WASHC2A: variants seen among roughly 807,000 people sequenced by gnomAD.
WASHC2A encodes the protein WASH complex subunit FAM21A.
A neutral mutation model predicts 140.3 loss-of-function variants in WASHC2A; 82 were observed. That is an observed-to-expected ratio of 0.58 (90% confidence interval 0.49 to 0.70). WASHC2A has a LOEUF of 0.70. WASHC2A is among the 30% of genes least tolerant of loss of function. The pLI is 0.00. For missense variants in WASHC2A, 985 were observed against 1,521.8 expected, an observed-to-expected ratio of 0.65 and a Z score of 5.87; for synonymous variants, 340 against 560.8, an observed-to-expected ratio of 0.61 and a Z score of 5.56.
intron 6 of WASHC2A, among the ~76,000 whole-genome samples, chr10:50,084,650 C>T (rs1170981527): frequency 3.3e-5 from 5 of 151,242 alleles, no homozygotes; most frequent in South Asian, 2.1e-4. Context: ...AGGCTGGTCT[C>T]GAATTCCTGA....
intron 11 of WASHC2A, among the ~76,000 whole-genome samples, chr10:50,092,601 G>A (rs1385077871): frequency 1.3e-5 from 2 of 152,062 alleles, no homozygotes; most frequent in African/African-American, 2.4e-5. Context: ...AGATTGCAGT[G>A]AGCCTTGATC....
chr10:50,079,327 C>T (rs1219751316), intron 4 of WASHC2A, among the ~76,000 whole-genome samples: 3 of 152,142 alleles, frequency 2.0e-5, no homozygotes, highest in Admixed American at 2.0e-4. Flanking sequence ...AAAGGGTATT[C>T]GAAACCAGCT....
chr10:50,095,070 C>T (rs1462022948), intron 13 of WASHC2A, 78 bp from the exon 14 acceptor site: 537,908 of 1,564,332 alleles, frequency 0.34, 92,551 homozygotes, highest in Middle Eastern at 0.41. Flanking sequence ...TGTTTTACAT[C>T]GCACGTATTT....
chr10:50,106,227 T>C, intron 18 of WASHC2A, 107 bp from the exon 19 acceptor site: 1 of 1,333,372 alleles, frequency 7.5e-7, no homozygotes, highest in Middle Eastern at 2.7e-4. Flanking sequence ...AGAGTTGTTA[T>C]TTGTATACCT....
intron 16 of WASHC2A, among the ~76,000 whole-genome samples, 173 bp downstream of exon 16, chr10:50,097,975 A>G (rs1212050119): frequency 6.6e-6 from 1 of 151,732 alleles, no homozygotes. Flanking sequence ...CAGATTGATC[A>G]GTTCTTAGGG....
chr10:50,129,358 A>G lies in WASHC2A; in HGVS notation c.3088-61A>G, dbSNP rs1843726984. 1.4e-4 allele frequency: 233 copies of G among 1,611,990 alleles called. 1 individual carries two copies. In the South Asian group the frequency reaches 2.4e-3, roughly 16 times the overall value. On this transcript the variant is annotated intron_variant, in intron 28 of 30. Transcript: ENST00000282633. ...TATTTTGAGTCACTGATTCTTTGCC[A>G]TGGTAGCTTTGAACACTTTATTTTA... is the stretch of plus-strand genomic sequence containing the variant.
chr10:50,079,333 C>A (rs1438720386), intron 4 of WASHC2A, among the ~76,000 whole-genome samples: 2 of 152,204 alleles, frequency 1.3e-5, no homozygotes, highest in Non-Finnish European at 2.9e-5. Flanking sequence ...TATTCGAAAC[C>A]AGCTATAGTT....
At position 50,084,054 on chromosome 10, in the gene WASHC2A, T is replaced by C; in HGVS notation, c.529-18T>C. ...TCAACTGAAATGTTTGACAGCCTATTCCTTTCATGATGTACAGGATCTATA... is the reference window on the plus strand; with the variant it reads ...TCAACTGAAATGTTTGACAGCCTATCCCTTTCATGATGTACAGGATCTATA... On this transcript the variant is annotated intron_variant, in intron 5 of 30. Transcript: ENST00000282633. 6 of 1,610,956 alleles carry C rather than the reference T, an allele frequency of 3.7e-6. No homozygotes were observed. The highest frequency in any genetic ancestry group is 4.2e-6 in the Non-Finnish European group (5 of 1,179,758).
rs1838697375 is a variant in WASHC2A at position 50,079,497 on chromosome 10, A to G, written c.354+760A>G. Among the ~76,000 whole-genome samples, 4 of 152,254 alleles carry G rather than the reference A, an allele frequency of 2.6e-5. No individual in the cohort carries two copies. The South Asian group carries it at 8.3e-4, about 32-fold the overall frequency. On this transcript the variant is annotated intron_variant, in intron 4 of 30. Coordinates refer to ENST00000282633, the MANE Select transcript of WASHC2A (RefSeq NM_001005751.3). ...CTGCAACCTCTGCTTCCTGGGTGCA[A>G]GTGATTCTCCTGGCTCAGCTTCCCG... is the stretch of plus-strand genomic sequence containing the variant.
chr10:50,130,125 CTTG>C, intron 29 of WASHC2A, 86 bp downstream of exon 29: 2 of 1,567,052 alleles, frequency 1.3e-6, no homozygotes, highest in Non-Finnish European at 1.7e-6. Flanking sequence ...TTATGTCTAG[CTTG>C]TTGCGTGCAT....
At chr10:50,071,651 A>G (rs1320088378) in intron 3 of WASHC2A, among the ~76,000 whole-genome samples, 1 of 149,072 alleles carries the variant, frequency 6.7e-6, no homozygotes, top group Admixed American at 6.7e-5. Flanking sequence ...GATTGGTACT[A>G]GATTGGTACC....
chr10:50,126,256 G>C, intron 26 of WASHC2A, 77 bp downstream of exon 26: 2 of 1,609,950 alleles, frequency 1.2e-6, no homozygotes, highest in Admixed American at 1.7e-5. Context: ...CAGACCCACA[G>C]TTATTCAGAC....
At chr10:50,091,552 G>C in intron 10 of WASHC2A, 34 bp downstream of exon 10, 1 of 1,543,162 alleles carries the variant, frequency 6.5e-7, no homozygotes, top group Middle Eastern at 2.3e-4. Flanking sequence ...GGAGTAGGGG[G>C]GGAGTAGTGC....
At chr10:50,101,330 G>A (rs1841141817) in intron 17 of WASHC2A, among the ~76,000 whole-genome samples, 1 of 152,312 alleles carries the variant, frequency 6.6e-6, no homozygotes, top group Admixed American at 6.5e-5. Flanking sequence ...CCAGAATCCA[G>A]CTTGCTTCCT....
chr10:50,070,984 A>T (rs1452703145), intron 3 of WASHC2A, among the ~76,000 whole-genome samples: 3 of 97,938 alleles, frequency 3.1e-5, no homozygotes, highest in African/African-American at 9.5e-5. Flanking sequence ...GTGAGCCGAG[A>T]TCCTGCCATT....
Position 50,095,691 on chromosome 10 carries a change from C to G in WASHC2A, c.1333C>G (p.Pro445Ala). The G allele has an allele frequency of 6.2e-7, 1 of 1,610,068 alleles. No homozygotes were observed. The highest frequency in any genetic ancestry group is 1.3e-5 in the African/African-American group (1 of 74,790). The change falls in exon 15 of 31, where the codon CCC (proline) becomes GCC (alanine). Residue 445 changes from proline to alanine, a missense_variant. By Grantham distance (27) the Pro-to-Ala change is conservative (BLOSUM62 -1). Coordinates refer to ENST00000282633, the MANE Select transcript of WASHC2A (RefSeq NM_001005751.3). Reference protein sequence around the residue: ...QPTPRKSPYGPPPTGLFDDDD... With the variant: ...QPTPRKSPYGAPPTGLFDDDD... ...CACTCCAAGGAAAAGCCCCTATGGT[C>G]CCCCTCCCACTGGCCTCTTTGATGA...
At chr10:50,082,385 T>C (rs1253271443) in intron 5 of WASHC2A, among the ~76,000 whole-genome samples, 11 of 151,624 alleles carry the variant, frequency 7.3e-5, no homozygotes, top group African/African-American at 2.4e-5. Context: ...GGAAGAGATA[T>C]CATTGCCAAA....
chr10:50,101,566 C>T (rs1469612912), intron 17 of WASHC2A, among the ~76,000 whole-genome samples: 14 of 152,394 alleles, frequency 9.2e-5, no homozygotes, highest in South Asian at 4.1e-4. Context: ...CCTAACACCC[C>T]GTCCTTAATA....
chr10:50,114,055 G>T lies in WASHC2A; in HGVS notation c.2142+58G>T. 2 of 293,482 alleles carry T rather than the reference G, an allele frequency of 6.8e-6. 1 individual carries two copies. Among genetic ancestry groups the T allele is most frequent in the East Asian group, 1.5e-4 (2 of 13,280 alleles). 18.2% of individuals were successfully genotyped at this position (293,482 alleles called of 1,614,324 possible). Reference sequence around the variant, plus strand: ...CTTGAGTTTATGCTGCATCAGTAGTGGTACTTCCCCGAATCAGCTCTTCAT... The same window carrying T: ...CTTGAGTTTATGCTGCATCAGTAGTTGTACTTCCCCGAATCAGCTCTTCAT... On this transcript the variant is annotated intron_variant, in intron 21 of 30. Transcript: ENST00000282633.
Sources: allele counts gnomAD v4.1 joint callset (sites outside exome capture counted in the v4.1 genomes callset), GRCh38; gene constraint gnomAD v4.1.1; transcripts MANE v1.5; gene names NCBI Gene and HGNC (gene_info 2026-07-23, HGNC 2026-07-21).